Variants in CSMD1 observed in about 807,000 individuals in gnomAD.
CSMD1 encodes the protein CUB and Sushi multiple domains 1, also known as CUB and sushi domain-containing protein 1.
CSMD1 carries 213 observed loss-of-function variants against 417.5 expected under a neutral mutation model. The ratio of observed to expected loss-of-function variants is 0.51; its 90% CI spans 0.46 to 0.57. The LOEUF (loss-of-function observed/expected upper bound fraction) is 0.57. Ranked by LOEUF, CSMD1 falls within the 20% of genes least tolerant of loss-of-function variation. The pLI is 0.00. For missense variants in CSMD1, 6,923 were observed against 4,529.7 expected, an observed-to-expected ratio of 1.53 and a Z score of -15.17; for synonymous variants, 2,862 against 1,736.8, an observed-to-expected ratio of 1.65 and a Z score of -16.11.
chr8:3,522,470 T>C (rs1273670124), intron 10 of CSMD1, among the ~76,000 whole-genome samples: 7 of 152,210 alleles, frequency 4.6e-5, no homozygotes, highest in Non-Finnish European at 1.0e-4. Context: ...CATTTACTTT[T>C]AGATGGCATA....
Position 4,956,516 on chromosome 8 carries a change from C to G in CSMD1, c.85+37816G>C, listed in dbSNP as rs375795899. Among the ~76,000 whole-genome samples the G allele has an allele frequency of 2.4e-4, 36 of 147,888 alleles. 1 individual carries two copies. The highest frequency in any genetic ancestry group is 2.1e-4 in the South Asian group (1 of 4,744). ...AAAAATATATGTTATCATATACACA[C>G]GTATTTTAAATATATTATAAAATAT... On this transcript the variant is annotated intron_variant, in intron 1 of 69. Coordinates refer to ENST00000635120, the MANE Select transcript of CSMD1 (RefSeq NM_033225.6).
intron 1 of CSMD1, among the ~76,000 whole-genome samples, chr8:4,855,583 C>T (rs1054804317): frequency 2.0e-5 from 3 of 152,126 alleles, no homozygotes; most frequent in African/African-American, 4.8e-5. Flanking sequence ...GCTGATGGAG[C>T]TGAAAACCAA....
intron 10 of CSMD1, among the ~76,000 whole-genome samples, chr8:3,510,178 G>C (rs1005869996): frequency 6.7e-6 from 1 of 149,530 alleles, no homozygotes; most frequent in African/African-American, 2.6e-5. Context: ...ACTGAGGCAA[G>C]TAGGGTGTGC....
chr8:3,545,651 G>C (rs932167560), intron 10 of CSMD1, among the ~76,000 whole-genome samples: 1 of 152,120 alleles, frequency 6.6e-6, no homozygotes, highest in Non-Finnish European at 1.5e-5. Flanking sequence ...CATCAGCGGT[G>C]GACAACTTAC....
intron 1 of CSMD1, among the ~76,000 whole-genome samples, chr8:4,940,232 A>G (rs1410978547): frequency 6.6e-6 from 1 of 152,196 alleles, no homozygotes; most frequent in Non-Finnish European, 1.5e-5. Context: ...CGTATTTGAG[A>G]AGGACAAGAA....
intron 15 of CSMD1, among the ~76,000 whole-genome samples, chr8:3,404,288 T>C (rs1051423117): frequency 3.3e-5 from 5 of 150,832 alleles, no homozygotes; most frequent in Admixed American, 6.6e-5. Flanking sequence ...TGAGCTGAGA[T>C]TGCACCACTG....
At chr8:3,489,353 C>T (rs998292087) in intron 11 of CSMD1, among the ~76,000 whole-genome samples, 1 of 152,192 alleles carries the variant, frequency 6.6e-6, no homozygotes, top group African/African-American at 2.4e-5. Flanking sequence ...TATTCATTCT[C>T]ATAGAGGGAC....
intron 3 of CSMD1, among the ~76,000 whole-genome samples, chr8:4,084,232 A>G (rs919202514): frequency 6.6e-6 from 1 of 152,128 alleles, no homozygotes; most frequent in African/African-American, 2.4e-5. Flanking sequence ...GTAGAGTAGT[A>G]ATCCCTTACT....
chr8:3,335,944 C>T (rs1448370527), intron 23 of CSMD1, among the ~76,000 whole-genome samples: 2 of 152,144 alleles, frequency 1.3e-5, no homozygotes, highest in African/African-American at 2.4e-5. Flanking sequence ...GGCCTTCCTA[C>T]CCAGCGCTTG....
chr8:4,685,580 A>AT (rs1478241903), intron 1 of CSMD1, among the ~76,000 whole-genome samples: 1 of 150,930 alleles, frequency 6.6e-6, no homozygotes, highest in Admixed American at 6.7e-5. Flanking sequence ...CTTCTTTAAA[A>AT]GAAAAAAAGA....
At chr8:3,311,546 A>G (rs1346099164) in intron 23 of CSMD1, among the ~76,000 whole-genome samples, 1 of 152,208 alleles carries the variant, frequency 6.6e-6, no homozygotes, top group South Asian at 2.1e-4. Flanking sequence ...CTAATCAGCT[A>G]GAGAGTCAAC....
At chr8:4,675,275 T>C (rs1043681549) in intron 1 of CSMD1, among the ~76,000 whole-genome samples, 6 of 152,192 alleles carry the variant, frequency 3.9e-5, no homozygotes, top group Admixed American at 1.3e-4. Context: ...TTCTTATCTC[T>C]GAAGGGGCAT....
At chr8:4,489,525 C>G (rs1168873060) in intron 2 of CSMD1, among the ~76,000 whole-genome samples, 2 of 152,200 alleles carry the variant, frequency 1.3e-5, no homozygotes, top group African/African-American at 2.4e-5. Context: ...TAAAGAATTA[C>G]TCTCAATGAT....
At chr8:4,170,621 G>A (rs1047526841) in intron 3 of CSMD1, among the ~76,000 whole-genome samples, 20 of 151,818 alleles carry the variant, frequency 1.3e-4, no homozygotes, top group Non-Finnish European at 2.4e-4. Context: ...TGAATTCTGG[G>A]TGGAAAACAT....
At chr8:4,969,777 T>G (rs1810118918) in intron 1 of CSMD1, among the ~76,000 whole-genome samples, 1 of 152,060 alleles carries the variant, frequency 6.6e-6, no homozygotes, top group Non-Finnish European at 1.5e-5. Flanking sequence ...ACAATGAGGC[T>G]GCTATGTGGA....
At chr8:2,965,535 C>G (rs927350539) in intron 59 of CSMD1, among the ~76,000 whole-genome samples, 1 of 152,194 alleles carries the variant, frequency 6.6e-6, no homozygotes, top group Non-Finnish European at 1.5e-5. Flanking sequence ...ACCCCGACAT[C>G]TCCAGTTCCT....
chr8:4,584,716 T>A (rs759041497), intron 2 of CSMD1, among the ~76,000 whole-genome samples: 2 of 152,132 alleles, frequency 1.3e-5, no homozygotes, highest in East Asian at 3.9e-4. Flanking sequence ...CTATCCTATC[T>A]ATCCTGACCC....
chr8:4,365,541 G>A (rs1474302852), intron 3 of CSMD1, among the ~76,000 whole-genome samples: 2 of 152,206 alleles, frequency 1.3e-5, no homozygotes, highest in East Asian at 1.9e-4. Context: ...TGATATCAGA[G>A]ACAGTTACTT....
At chr8:3,792,354 T>A (rs1415560272) in intron 5 of CSMD1, among the ~76,000 whole-genome samples, 1 of 152,164 alleles carries the variant, frequency 6.6e-6, no homozygotes, top group Non-Finnish European at 1.5e-5. Flanking sequence ...AACACCCACA[T>A]GTACATTATG....
Sources: gnomAD v4.1 joint callset for allele counts (sites outside exome capture counted in the v4.1 genomes callset) on GRCh38, gnomAD v4.1.1 for gene constraint, MANE v1.5 for transcripts, NCBI Gene and HGNC (gene_info 2026-07-23, HGNC 2026-07-21) for gene names.